Variants in COL4A5 observed in about 807,000 individuals in gnomAD.
COL4A5 encodes the protein collagen alpha-5(IV) chain.
COL4A5 carries 26 observed loss-of-function variants against 130.2 expected under a neutral mutation model. The ratio of observed to expected loss-of-function variants is 0.20; its 90% CI spans 0.15 to 0.28. The LOEUF (loss-of-function observed/expected upper bound fraction) is 0.28. Ranked by LOEUF, COL4A5 falls within the 10% of genes least tolerant of loss-of-function variation. The probability of loss-of-function intolerance (pLI) is 1.00; values close to 1 mark genes in which losing one functional copy is unlikely to be tolerated. For missense variants in COL4A5, 1,131 were observed against 1,344.3 expected, an observed-to-expected ratio of 0.84 and a Z score of 2.48; for synonymous variants, 496 against 439.6, an observed-to-expected ratio of 1.13 and a Z score of -1.60.
At chrX:108,485,006 A>G (rs1003792808) in intron 1 of COL4A5, among the ~76,000 whole-genome samples, 2 of 111,958 alleles carry the variant, frequency 1.8e-5, no homozygotes, top group African/African-American at 6.5e-5. Context: ...TTGACCCTCA[A>G]TCCATGAGGC....
Position 108,577,997 on chromosome X carries a change from T to C in COL4A5, c.645+10T>C. ...ACTTCCAGGACCTAAGGTAATTTTC[T>C]TTTTCTTTATATCTTTTATTTGGTG... is the stretch of plus-strand genomic sequence containing the variant. On this transcript the variant is annotated intron_variant, in intron 11 of 52. Transcript: ENST00000328300. The C allele has an allele frequency of 8.3e-7, 1 of 1,205,346 alleles. No individual in the cohort carries two copies. The highest frequency in any genetic ancestry group is 1.1e-6 in the Non-Finnish European group (1 of 890,430).
rs755291471 is a variant in COL4A5, at chrX:108,591,188, G to C, written c.1296G>C (p.Gly432=). 15 of 1,209,985 alleles carry C rather than the reference G, an allele frequency of 1.2e-5. No individual in the cohort carries two copies. In the South Asian group the frequency reaches 2.6e-4, roughly 21 times the overall value. Residue 432 remains glycine, a synonymous_variant, in exon 20 of 53, where the codon GGG becomes GGC. Coordinates refer to ENST00000328300, the MANE Select transcript of COL4A5 (RefSeq NM_033380.3). ...PGLDGQPGAP[G]LPGPPGPAGP... is the part of the protein sequence containing the mutation. ...TTGACGGACAGCCTGGGGCTCCTGG[G>C]CTTCCAGGGCCTCCTGGCCCTGCTG...
chrX:108,632,799 T>C (rs2067287566), intron 36 of COL4A5, among the ~76,000 whole-genome samples: 1 of 111,949 alleles, frequency 8.9e-6, no homozygotes, highest in African/African-American at 3.2e-5. Flanking sequence ...TGCTAAAAAC[T>C]CAATAAACTA....
chrX:108,608,452 C>G (rs16985527), intron 29 of COL4A5, among the ~76,000 whole-genome samples: 10,572 of 110,268 alleles, frequency 0.096, 1,157 homozygotes, highest in African/African-American at 0.32. Context: ...CTACTATATA[C>G]CCATCACTGA....
chrX:108,591,662 A>G lies in COL4A5; in HGVS notation c.1423+18A>G. The G allele has an allele frequency of 8.9e-7, 1 of 1,117,622 alleles. No homozygotes were observed. The highest frequency in any genetic ancestry group is 1.2e-6 in the Non-Finnish European group (1 of 809,899). 92.1% of individuals were successfully genotyped at this position (1,117,622 alleles called of 1,213,427 possible). A position where few individuals can be genotyped will look rare whatever the true frequency, so the allele number is the denominator to read the frequency against. ...AGTGAAAGGTTTGATCTCCAAACAT[A>G]TTCATTCCTTCATTTTCTTCATTCT... On this transcript the variant is annotated intron_variant, in intron 21 of 52. Transcript: ENST00000328300.
At chrX:108,525,041 C>A (rs1046829231) in intron 1 of COL4A5, among the ~76,000 whole-genome samples, 6 of 111,618 alleles carry the variant, frequency 5.4e-5, no homozygotes, top group Non-Finnish European at 1.1e-4. Flanking sequence ...CCTCTATTTC[C>A]TTGTTGATCT....
chrX:108,490,195 C>T (rs904281196), intron 1 of COL4A5, among the ~76,000 whole-genome samples: 5 of 111,987 alleles, frequency 4.5e-5, no homozygotes, highest in East Asian at 5.6e-4. Context: ...CATGTTTCCA[C>T]CACCACAGTT....
chrX:108,545,587 G>T (rs1277312610), intron 2 of COL4A5, among the ~76,000 whole-genome samples: 2 of 111,850 alleles, frequency 1.8e-5, no homozygotes, highest in Non-Finnish European at 3.8e-5. Flanking sequence ...ATATTCTTTT[G>T]ATTTGGGGTG....
chrX:108,442,179 T>G (rs2064409040), intron 1 of COL4A5, among the ~76,000 whole-genome samples: 1 of 111,999 alleles, frequency 8.9e-6, no homozygotes, highest in South Asian at 3.7e-4. Flanking sequence ...CGGTGACCAT[T>G]TCTAGAGTAA....
intron 27 of COL4A5, among the ~76,000 whole-genome samples, 200 bp from the exon 28 acceptor site, chrX:108,602,764 A>G (rs1413847010): frequency 8.9e-6 from 1 of 112,023 alleles, no homozygotes; most frequent in Non-Finnish European, 1.9e-5. Context: ...TTCCACATAC[A>G]TTAGCTCTAT....
At chrX:108,519,430 A>G (rs890695411) in intron 1 of COL4A5, among the ~76,000 whole-genome samples, 2 of 110,969 alleles carry the variant, frequency 1.8e-5, no homozygotes, top group Non-Finnish European at 3.8e-5. Flanking sequence ...TTTGACTCCT[A>G]GATCAGTTTT....
intron 24 of COL4A5, among the ~76,000 whole-genome samples, chrX:108,597,888 T>C (rs759082493): frequency 9.0e-6 from 1 of 111,590 alleles, no homozygotes; most frequent in Non-Finnish European, 1.9e-5. Flanking sequence ...ATATCTTTCC[T>C]TGGGTTTACT....
At chrX:108,482,537 A>G (rs1382489310) in intron 1 of COL4A5, among the ~76,000 whole-genome samples, 3 of 111,133 alleles carry the variant, frequency 2.7e-5, no homozygotes, top group African/African-American at 9.8e-5. Flanking sequence ...ATCAGAGTTT[A>G]CAAACTCAGT....
intron 1 of COL4A5, among the ~76,000 whole-genome samples, chrX:108,526,596 CTTTCTTT>C (rs2065316666): frequency 5.7e-5 from 1 of 17,431 alleles, no homozygotes; most frequent in Non-Finnish European, 1.0e-4. Flanking sequence ...TCCCTCCCTC[CTTTCTTT>C]CTTTCTTTCT....
chrX:108,674,776 T>TG, intron 43 of COL4A5, 23 bp downstream of exon 43: 1 of 1,156,991 alleles, frequency 8.6e-7, no homozygotes, highest in Non-Finnish European at 1.2e-6. Flanking sequence ...ACTGGTCAAT[T>TG]CTTTTTTTTT....
intron 1 of COL4A5, among the ~76,000 whole-genome samples, chrX:108,503,605 A>G (rs2065099883): frequency 8.9e-6 from 1 of 112,108 alleles, no homozygotes; most frequent in South Asian, 3.7e-4. Context: ...TAGCACCACT[A>G]TGCACCAACA....
At chrX:108,515,710 G>A (rs1273516930) in intron 1 of COL4A5, among the ~76,000 whole-genome samples, 3 of 111,783 alleles carry the variant, frequency 2.7e-5, no homozygotes, top group Non-Finnish European at 5.6e-5. Flanking sequence ...ATTTGAGGAA[G>A]TCATATGTTT....
intron 29 of COL4A5, among the ~76,000 whole-genome samples, chrX:108,611,641 A>T (rs988824064): frequency 8.1e-5 from 9 of 111,221 alleles, no homozygotes; most frequent in East Asian, 2.8e-4. Context: ...CTATTTTTTT[A>T]AAAATTGAGT....
At chrX:108,440,263 C>T in intron 1 of COL4A5, 57 bp downstream of exon 1, 1 of 817,750 alleles carries the variant, frequency 1.2e-6, no homozygotes, top group Admixed American at 2.4e-5. Context: ...CTGAAATTAC[C>T]TTTTTTTTGG....
Sources: gnomAD v4.1 joint callset for allele counts (sites outside exome capture counted in the v4.1 genomes callset) on GRCh38, gnomAD v4.1.1 for gene constraint, MANE v1.5 for transcripts, NCBI Gene and HGNC (gene_info 2026-07-23, HGNC 2026-07-21) for gene names.